TPO: variants seen among roughly 807,000 people sequenced by gnomAD.
TPO encodes thyroid peroxidase.
In TPO, 78 loss-of-function variants were observed where a neutral mutation model predicts 96.9. The observed-to-expected ratio is 0.81, with a 90% CI of 0.67 to 0.97. The LOEUF is 0.97. Among genes scored for constraint, TPO ranks in the 50% least tolerant of loss-of-function variants. TPO has a pLI of 0.00. For synonymous variants in TPO, 547 were observed against 538.0 expected, an observed-to-expected ratio of 1.02 and a Z score of -0.23; for missense variants, 1,252 against 1,274.8, an observed-to-expected ratio of 0.98 and a Z score of 0.27.
In TPO at chr2:1,519,035, G is replaced by A. The variant is rs193129067; in HGVS notation, c.2618+2053G>A. Among the ~76,000 whole-genome samples the A allele has an allele frequency of 5.9e-4, 90 of 152,306 alleles. 1 individual carries two copies. Among genetic ancestry groups the A allele is most frequent in the African/African-American group, 2.0e-3 (85 of 41,566 alleles). The stretch of plus-strand genomic sequence containing the variant: ...TGAGCAGGCGAAGGCCATCTTGACG[G>A]GAAGGCAGAGATCAGGGTGGGGTTT... On this transcript the variant is annotated intron_variant, in intron 15 of 16. Transcript: ENST00000329066.
chr2:1,377,280 G>C (rs1661736260), intron 1 of TPO, among the ~76,000 whole-genome samples: 1 of 152,134 alleles, frequency 6.6e-6, no homozygotes, highest in Non-Finnish European at 1.5e-5. Flanking sequence ...CGTATGCATT[G>C]GAATACGGTC....
intron 7 of TPO, among the ~76,000 whole-genome samples, chr2:1,468,177 TAC>T (rs1669080083): frequency 6.6e-6 from 1 of 152,112 alleles, no homozygotes; most frequent in Non-Finnish European, 1.5e-5. Flanking sequence ...TTAGACCATT[TAC>T]ATTCAATGTT....
intron 7 of TPO, among the ~76,000 whole-genome samples, chr2:1,462,857 T>C (rs1668574716): frequency 6.6e-6 from 1 of 152,204 alleles, no homozygotes; most frequent in Non-Finnish European, 1.5e-5. Context: ...ACTTTAAACG[T>C]TGATCACAGG....
intron 15 of TPO, 143 bp downstream of exon 15, chr2:1,517,125 G>A: frequency 2.4e-6 from 2 of 843,134 alleles, no homozygotes; most frequent in South Asian, 1.5e-5. Flanking sequence ...GAGCTATTTT[G>A]TACAACGTAA....
At chr2:1,539,251 G>A (rs1476989302) in intron 15 of TPO, among the ~76,000 whole-genome samples, 2 of 152,196 alleles carry the variant, frequency 1.3e-5, no homozygotes, top group African/African-American at 4.8e-5. Flanking sequence ...AATTTTAATA[G>A]AAGCTGGCAT....
At chr2:1,528,090 G>A (rs1216194471) in intron 15 of TPO, among the ~76,000 whole-genome samples, 1 of 102,836 alleles carries the variant, frequency 9.7e-6, no homozygotes, top group East Asian at 3.5e-4. Context: ...CCCACTGTGA[G>A]CAAAAGCACA....
chr2:1,475,582 C>A (rs1669829418), intron 7 of TPO, among the ~76,000 whole-genome samples: 1 of 152,084 alleles, frequency 6.6e-6, no homozygotes, highest in Non-Finnish European at 1.5e-5. Context: ...CGCCACCGCG[C>A]CCGGCTAATT....
intron 2 of TPO, among the ~76,000 whole-genome samples, chr2:1,421,295 C>T (rs1307251360): frequency 1.3e-5 from 2 of 152,242 alleles, no homozygotes; most frequent in African/African-American, 4.8e-5. Context: ...GCCCTCAGCC[C>T]AGAGCCGTGC....
intron 3 of TPO, among the ~76,000 whole-genome samples, chr2:1,426,356 G>T (rs555600428): frequency 6.7e-6 from 1 of 150,368 alleles, no homozygotes; most frequent in Non-Finnish European, 1.5e-5. Flanking sequence ...AGAAGTCCGT[G>T]CTCCTTCCAT....
chr2:1,477,028 A>C, intron 7 of TPO, 58 bp from the exon 8 acceptor site: 1 of 1,558,462 alleles, frequency 6.4e-7, no homozygotes, highest in East Asian at 2.3e-5. Flanking sequence ...GAACTTCCAG[A>C]GTCTTACAAA....
At chr2:1,535,036 C>A (rs1346540582) in intron 15 of TPO, among the ~76,000 whole-genome samples, 6 of 141,160 alleles carry the variant, frequency 4.3e-5, no homozygotes, top group South Asian at 2.4e-4. Context: ...CCCCAAATCC[C>A]CCCCACTGTG....
chr2:1,465,869 C>A (rs371891161), intron 7 of TPO, among the ~76,000 whole-genome samples: 10 of 152,108 alleles, frequency 6.6e-5, no homozygotes, highest in African/African-American at 2.4e-4. Context: ...TCCTCTTCGC[C>A]GATTTGGATG....
chr2:1,452,157 T>C (rs1002202750), intron 5 of TPO, among the ~76,000 whole-genome samples: 2 of 152,216 alleles, frequency 1.3e-5, no homozygotes, highest in Admixed American at 1.3e-4. Context: ...GGCCTCAGTG[T>C]TCATTGTTTT....
rs561787027 is a variant in TPO, at chr2:1,477,667, G to T, written c.1338+63G>T. The T allele has an allele frequency of 1.8e-5, 25 of 1,427,192 alleles. No individual in the cohort carries two copies. The South Asian group carries it at 3.2e-4, about 19-fold the overall frequency. 88.4% of individuals were successfully genotyped at this position (1,427,192 alleles called of 1,614,324 possible). A position where few individuals can be genotyped will look rare whatever the true frequency, so the allele number is the denominator to read the frequency against. On this transcript the variant is annotated intron_variant, in intron 8 of 16. Coordinates refer to ENST00000329066, the MANE Select transcript of TPO (RefSeq NM_001206744.2). The stretch of plus-strand genomic sequence containing the variant: ...GGCAAAGCGGGGGGCGCCTCGTGTG[G>T]GTGCGCAGCATCGTGGCTTCTCTCT...
chr2:1,378,496 T>G (rs1661756391), intron 1 of TPO, among the ~76,000 whole-genome samples: 1 of 152,256 alleles, frequency 6.6e-6, no homozygotes, highest in Non-Finnish European at 1.5e-5. Flanking sequence ...ACACAGCCCA[T>G]GCTTAGCGGC....
At chr2:1,386,597 ATG>A (rs1416604297) in intron 1 of TPO, among the ~76,000 whole-genome samples, 4 of 151,904 alleles carry the variant, frequency 2.6e-5, no homozygotes. Flanking sequence ...TTTTGAGCCT[ATG>A]TGTGTCTCTG....
At chr2:1,465,227 C>A (rs1322259845) in intron 7 of TPO, among the ~76,000 whole-genome samples, 1 of 152,132 alleles carries the variant, frequency 6.6e-6, no homozygotes, top group Non-Finnish European at 1.5e-5. Context: ...GGGTTTATTT[C>A]TGGGTTCTCT....
chr2:1,408,131 T>C (rs1255978815), intron 1 of TPO, among the ~76,000 whole-genome samples: 1 of 152,226 alleles, frequency 6.6e-6, no homozygotes, highest in Non-Finnish European at 1.5e-5. Flanking sequence ...AAATCATGGA[T>C]GGCCACTCGA....
chr2:1,533,816 G>A (rs1300839292), intron 15 of TPO, among the ~76,000 whole-genome samples: 1 of 19,516 alleles, frequency 5.1e-5, no homozygotes, highest in African/African-American at 2.2e-4. Flanking sequence ...TCCCCAAATC[G>A]CCCCACTGTG....
Sources: gnomAD v4.1 joint callset for allele counts (sites outside exome capture counted in the v4.1 genomes callset) on GRCh38, gnomAD v4.1.1 for gene constraint, MANE v1.5 for transcripts, NCBI Gene and HGNC (gene_info 2026-07-23, HGNC 2026-07-21) for gene names.